MAML2: variants seen among roughly 807,000 people sequenced by gnomAD.
The protein encoded by MAML2 is mastermind-like protein 2.
A neutral mutation model predicts 96.1 loss-of-function variants in MAML2; 22 were observed. The ratio of observed to expected loss-of-function variants is 0.23; its 90% CI spans 0.16 to 0.33. The LOEUF is 0.33. Ranked by LOEUF, MAML2 falls within the 10% of genes least tolerant of loss-of-function variation. The pLI, the probability that MAML2 is intolerant of heterozygous loss-of-function variation, is 1.00. For synonymous variants in MAML2, 561 were observed against 521.3 expected (o/e 1.08, Z -1.04); for missense variants, 1,367 against 1,392.4 (o/e 0.98, Z 0.29).
intron 1 of MAML2, among the ~76,000 whole-genome samples, chr11:96,292,462 T>G (rs895409315): frequency 6.6e-6 from 1 of 152,230 alleles, no homozygotes; most frequent in Non-Finnish European, 1.5e-5. Context: ...TATGCTATTA[T>G]CCCATTTTAC....
chr11:96,083,714 A>G (rs1319933053), intron 2 of MAML2, among the ~76,000 whole-genome samples: 2 of 152,220 alleles, frequency 1.3e-5, no homozygotes, highest in Non-Finnish European at 2.9e-5. Flanking sequence ...CACATGTTCA[A>G]CAACTAAGTT....
At chr11:96,205,058 C>T (rs1198176476) in intron 1 of MAML2, among the ~76,000 whole-genome samples, 2 of 152,144 alleles carry the variant, frequency 1.3e-5, no homozygotes. Context: ...CCTGTACTTT[C>T]CTGGCGTAAT....
intron 2 of MAML2, among the ~76,000 whole-genome samples, chr11:96,017,967 C>A (rs1483666509): frequency 6.6e-6 from 1 of 152,192 alleles, no homozygotes; most frequent in East Asian, 1.9e-4. Context: ...TTTTAAAGAT[C>A]ACTCTGTCAG....
chr11:96,319,686 TGGA>T (rs2136010138), intron 1 of MAML2, among the ~76,000 whole-genome samples: 1 of 152,308 alleles, frequency 6.6e-6, no homozygotes, highest in Non-Finnish European at 1.5e-5. Flanking sequence ...TATGGTTATG[TGGA>T]GGAGGAGTAT....
chr11:96,196,366 A>G (rs1438518624), intron 1 of MAML2, among the ~76,000 whole-genome samples: 1 of 152,170 alleles, frequency 6.6e-6, no homozygotes, highest in African/African-American at 2.4e-5. Flanking sequence ...TTTCAAAGTG[A>G]CCACTGTTTT....
At chr11:96,196,211 G>A (rs969957930) in intron 1 of MAML2, among the ~76,000 whole-genome samples, 9 of 152,232 alleles carry the variant, frequency 5.9e-5, no homozygotes, top group Admixed American at 2.6e-4. Flanking sequence ...CAAAATGGAG[G>A]ATACAATGAG....
intron 1 of MAML2, among the ~76,000 whole-genome samples, chr11:96,205,466 C>T (rs1861882990): frequency 6.6e-6 from 1 of 152,222 alleles, no homozygotes; most frequent in Admixed American, 6.5e-5. Flanking sequence ...ATGACATAGT[C>T]ACTGCCTTCA....
chr11:96,019,385 A>G (rs1036862239), intron 2 of MAML2, among the ~76,000 whole-genome samples: 2 of 152,056 alleles, frequency 1.3e-5, no homozygotes, highest in African/African-American at 4.8e-5. Flanking sequence ...TAATCTCTGT[A>G]GGGTTTGGTC....
chr11:96,278,852 T>C (rs1863024400), intron 1 of MAML2, among the ~76,000 whole-genome samples: 1 of 152,092 alleles, frequency 6.6e-6, no homozygotes, highest in Non-Finnish European at 1.5e-5. Context: ...TTGGAAGGGA[T>C]TTGCCTAGAG....
intron 1 of MAML2, among the ~76,000 whole-genome samples, chr11:96,322,646 C>T (rs747023836): frequency 1.3e-5 from 2 of 152,082 alleles, no homozygotes; most frequent in African/African-American, 2.4e-5. Context: ...GAGCCGAGAT[C>T]GCGCCACTGC....
intron 2 of MAML2, among the ~76,000 whole-genome samples, chr11:96,021,935 T>C (rs1433855285): frequency 1.3e-5 from 2 of 152,190 alleles, no homozygotes; most frequent in African/African-American, 4.8e-5. Context: ...AAGACTGTGG[T>C]TCTGAAAGTA....
intron 1 of MAML2, among the ~76,000 whole-genome samples, chr11:96,130,996 CA>C (rs547018522): frequency 5.1e-4 from 78 of 152,076 alleles, no homozygotes; most frequent in African/African-American, 1.8e-3. Flanking sequence ...GGTAGAAAGA[CA>C]AAAGCATAAA....
At chr11:96,130,097 T>TA (rs1362590380) in intron 1 of MAML2, among the ~76,000 whole-genome samples, 2 of 152,198 alleles carry the variant, frequency 1.3e-5, no homozygotes, top group Admixed American at 6.5e-5. Context: ...GCTATGGAGA[T>TA]ATAAGCCTGT....
chr11:96,271,174 C>T (rs1287460509), intron 1 of MAML2, among the ~76,000 whole-genome samples: 2 of 152,176 alleles, frequency 1.3e-5, no homozygotes, highest in South Asian at 2.1e-4. Flanking sequence ...CTTCCTTGCT[C>T]CTCAGCTTGT....
chr11:96,291,207 C>T lies in MAML2; in HGVS notation c.513+50176G>A, dbSNP rs145068356. 6.8e-3 allele frequency among the ~76,000 whole-genome samples: 933 copies of T among 136,546 alleles called. 10 individuals carry two copies. The highest frequency in any genetic ancestry group is 0.023 in the African/African-American group (849 of 36,588). The allele number at this position is 136,546 out of a possible 152,430, so 89.6% of individuals were successfully genotyped here. ...ATGGCGCAATATCGGTTCACTGTAA[C>T]CTCCGCCTCCCAGGTTCAAGCAATT... is the stretch of plus-strand genomic sequence containing the variant. On this transcript the variant is annotated intron_variant, in intron 1 of 4. Transcript: ENST00000524717.
intron 2 of MAML2, among the ~76,000 whole-genome samples, chr11:96,028,713 G>C (rs1858563935): frequency 1.3e-5 from 2 of 152,162 alleles, no homozygotes; most frequent in Non-Finnish European, 2.9e-5. Context: ...AGTCAGACTG[G>C]AGAAAGGAGA....
intron 1 of MAML2, among the ~76,000 whole-genome samples, chr11:96,149,893 G>T (rs887796433): frequency 1.3e-4 from 20 of 151,470 alleles, no homozygotes; most frequent in Admixed American, 6.6e-4. Context: ...TCTCTGCCTG[G>T]CTCTGCCTGT....
At chr11:96,324,739 T>G (rs576546869) in intron 1 of MAML2, among the ~76,000 whole-genome samples, 1 of 152,316 alleles carries the variant, frequency 6.6e-6, no homozygotes, top group South Asian at 2.1e-4. Context: ...GCAAAGAGCT[T>G]CAGGTCTCTC....
intron 1 of MAML2, among the ~76,000 whole-genome samples, chr11:96,215,745 C>A (rs780640684): frequency 6.6e-6 from 1 of 152,052 alleles, no homozygotes. Context: ...CCACCCCCCT[C>A]GGGTGCTGGC....
Sources: allele counts gnomAD v4.1 joint callset (sites outside exome capture counted in the v4.1 genomes callset), GRCh38; gene constraint gnomAD v4.1.1; transcripts MANE v1.5; gene names NCBI Gene and HGNC (gene_info 2026-07-23, HGNC 2026-07-21).